OSTF1: variants seen among roughly 807,000 people sequenced by gnomAD.
The protein encoded by OSTF1 is osteoclast-stimulating factor 1.
A neutral mutation model predicts 37.2 loss-of-function variants in OSTF1; 27 were observed. The observed-to-expected ratio is 0.73, with a 90% CI of 0.54 to 1.00. OSTF1 has a LOEUF of 1.00. Ranked by LOEUF, OSTF1 falls within the 50% of genes least tolerant of loss-of-function variation. The probability of loss-of-function intolerance (pLI) is 0.00; values close to 1 mark genes in which losing one functional copy is unlikely to be tolerated. For synonymous variants in OSTF1, 82 were observed against 89.2 expected, an observed-to-expected ratio of 0.92 and a Z score of 0.46; for missense variants, 232 against 253.8, an observed-to-expected ratio of 0.91 and a Z score of 0.58.
chr9:75,140,414 G>A (rs536334524), intron 8 of OSTF1, among the ~76,000 whole-genome samples: 1 of 152,304 alleles, frequency 6.6e-6, no homozygotes, highest in African/African-American at 2.4e-5. Context: ...TTGGTTTTAC[G>A]TGTTGCTATT....
intron 9 of OSTF1, among the ~76,000 whole-genome samples, chr9:75,142,628 A>G (rs915148747): frequency 6.6e-6 from 1 of 152,260 alleles, no homozygotes; most frequent in East Asian, 1.9e-4. Flanking sequence ...TTCGTAGAAC[A>G]GGGCTGGGAG....
rs930207332 is a variant in OSTF1 at position 75,097,915 on chromosome 9, G to A, written c.34+9189G>A. The stretch of plus-strand genomic sequence containing the variant: ...CTCTGTTGCCCAGGCTGAGTGTGGT[G>A]TGATGATCTTGGGCTTACTGCAACC... On this transcript the variant is annotated intron_variant, in intron 1 of 9. Transcript: ENST00000346234. 6.7e-5 allele frequency among the ~76,000 whole-genome samples: 10 copies of A among 149,508 alleles called. No individual in the cohort carries two copies. The South Asian group carries it at 2.1e-3, about 32-fold the overall frequency.
At chr9:75,111,598 C>T (rs943847807) in intron 1 of OSTF1, among the ~76,000 whole-genome samples, 3 of 152,096 alleles carry the variant, frequency 2.0e-5, no homozygotes, top group African/African-American at 7.2e-5. Context: ...AACCTTAACT[C>T]AGTTGAATTC....
intron 2 of OSTF1, among the ~76,000 whole-genome samples, chr9:75,121,979 G>A (rs867229522): frequency 6.6e-6 from 1 of 152,182 alleles, no homozygotes; most frequent in South Asian, 2.1e-4. Context: ...CAGGAAGAAC[G>A]CTAGGTAGCT....
At chr9:75,128,383 TATA>T (rs1447204688) in intron 3 of OSTF1, among the ~76,000 whole-genome samples, 1 of 91,618 alleles carries the variant, frequency 1.1e-5, no homozygotes, top group African/African-American at 4.7e-5. Flanking sequence ...TATATATATA[TATA>T]TATATATATA....
At chr9:75,136,717 T>G (rs192495071) in intron 7 of OSTF1, among the ~76,000 whole-genome samples, 5 of 152,232 alleles carry the variant, frequency 3.3e-5, no homozygotes, top group African/African-American at 7.2e-5. Context: ...TTAGGTGTGA[T>G]TGGAAGCTGT....
At chr9:75,146,294 C>T (rs1214170637) in intron 9 of OSTF1, among the ~76,000 whole-genome samples, 5 of 152,334 alleles carry the variant, frequency 3.3e-5, no homozygotes, top group East Asian at 1.9e-4. Context: ...CGGTAGTTAA[C>T]GTCCTACCTA....
rs771317162 is a variant in OSTF1, at chr9:75,140,897, C to A, written c.551C>A (p.Ala184Asp). 3 of 1,613,372 alleles carry A rather than the reference C, an allele frequency of 1.9e-6. No homozygotes were observed. The highest frequency in any genetic ancestry group is 2.5e-6 in the Non-Finnish European group (3 of 1,179,424). ...GCCTTCGACATGGCTACCAATGCTG[C>A]CTGTGCATCTCTCCTGAAAAAGAAA... is the stretch of plus-strand genomic sequence containing the variant. Reference protein sequence around the residue: ...KLAFDMATNAACASLLKKKQG... With the variant: ...KLAFDMATNADCASLLKKKQG... Residue 184 changes from alanine (A) to aspartate (D), a missense_variant, in exon 9 of 10, where the codon GCC becomes GAC. Coordinates refer to ENST00000346234, the MANE Select transcript of OSTF1 (RefSeq NM_012383.5).
At chr9:75,139,374 TA>T in intron 8 of OSTF1, among the ~76,000 whole-genome samples, 1 of 152,012 alleles carries the variant, frequency 6.6e-6, no homozygotes, top group African/African-American at 2.4e-5. Context: ...GCAAAAAAAA[TA>T]TGATACTTTC....
At chr9:75,127,191 G>T (rs1325043681) in intron 2 of OSTF1, among the ~76,000 whole-genome samples, 4 of 152,196 alleles carry the variant, frequency 2.6e-5, no homozygotes, top group African/African-American at 9.6e-5. Context: ...CAAGCTTCTG[G>T]CTGTTTTTCA....
At chr9:75,127,997 T>C (rs1203485810) in intron 3 of OSTF1, among the ~76,000 whole-genome samples, 1 of 152,062 alleles carries the variant, frequency 6.6e-6, no homozygotes, top group Non-Finnish European at 1.5e-5. Flanking sequence ...GACACTTGTT[T>C]TTCTCAATTT....
At chr9:75,096,451 A>G (rs1825088394) in intron 1 of OSTF1, among the ~76,000 whole-genome samples, 1 of 152,170 alleles carries the variant, frequency 6.6e-6, no homozygotes, top group African/African-American at 2.4e-5. Flanking sequence ...GGTGCTCCCA[A>G]TTTCCAGGGA....
At chr9:75,110,863 A>G (rs112450224) in intron 1 of OSTF1, among the ~76,000 whole-genome samples, 7,363 of 152,026 alleles carry the variant, frequency 0.048, 224 homozygotes, top group Middle Eastern at 0.078. Flanking sequence ...GGTGTGTACC[A>G]ACCGCAACCA....
At chr9:75,103,356 A>T (rs1825228552) in intron 1 of OSTF1, among the ~76,000 whole-genome samples, 1 of 152,204 alleles carries the variant, frequency 6.6e-6, no homozygotes, top group South Asian at 2.1e-4. Context: ...TTAAAAGAGA[A>T]CACATTTTCC....
intron 1 of OSTF1, among the ~76,000 whole-genome samples, chr9:75,106,987 GAAAA>G (rs112031324): frequency 2.7e-5 from 3 of 112,274 alleles, no homozygotes; most frequent in African/African-American, 7.1e-5. Context: ...GAAAAAAAAA[GAAAA>G]AAAAAAAAAA....
At position 75,140,765 on chromosome 9, in the gene OSTF1, G is replaced by T. The variant is rs1286356277; in HGVS notation, c.488-69G>T. The T allele has an allele frequency of 9.6e-6, 10 of 1,040,206 alleles. No homozygotes were observed. The Admixed American group carries it at 1.7e-4, about 17-fold the overall frequency. The allele number at this position is 1,040,206 out of a possible 1,614,324, so 64.4% of individuals were successfully genotyped here. ...ATTTTGCCAAAAGTTGTTAGCTGTG[G>T]GGAGAGAGGATTGGCTACTACTATA... is the stretch of plus-strand genomic sequence containing the variant. On this transcript the variant is annotated intron_variant, in intron 8 of 9. Transcript: ENST00000346234.
At chr9:75,106,730 C>T (rs1473111476) in intron 1 of OSTF1, among the ~76,000 whole-genome samples, 3 of 147,898 alleles carry the variant, frequency 2.0e-5, no homozygotes, top group South Asian at 2.1e-4. Flanking sequence ...CCGGGGCGGG[C>T]GGATCACAAG....
In OSTF1 at chr9:75,117,443, T is replaced by C; in HGVS notation, c.35-61T>C. ...GAATTCTGAAGGATATAATGGATAATGCTATTAAGAGCAAATTCAGGAATG... is the reference window on the plus strand; with the variant it reads ...GAATTCTGAAGGATATAATGGATAACGCTATTAAGAGCAAATTCAGGAATG... On this transcript the variant is annotated intron_variant, in intron 1 of 9. Coordinates refer to ENST00000346234, the MANE Select transcript of OSTF1 (RefSeq NM_012383.5). 3 of 1,146,186 alleles carry C rather than the reference T, an allele frequency of 2.6e-6. No individual in the cohort carries two copies. In the Admixed American group the frequency reaches 5.4e-5, roughly 21 times the overall value. 71.0% of individuals were successfully genotyped at this position (1,146,186 alleles called of 1,614,324 possible). A position where few individuals can be genotyped will look rare whatever the true frequency, so the allele number is the denominator to read the frequency against.
At position 75,124,391 on chromosome 9, in the gene OSTF1, C is replaced by G. The variant is rs147675743; in HGVS notation, c.82-3178C>G. ...TATTTCTTTCTAAATTTTTTTTGTA[C>G]CCATTAACCATCCCCGTCTCCCCCC... On this transcript the variant is annotated intron_variant, in intron 2 of 9. Coordinates refer to ENST00000346234, the MANE Select transcript of OSTF1 (RefSeq NM_012383.5). Among the ~76,000 whole-genome samples, 273 of 152,064 alleles carry G rather than the reference C, an allele frequency of 1.8e-3. 1 individual carries two copies. The highest frequency in any genetic ancestry group is 4.1e-3 in the South Asian group (20 of 4,822).
Sources: allele counts gnomAD v4.1 joint callset (sites outside exome capture counted in the v4.1 genomes callset), GRCh38; gene constraint gnomAD v4.1.1; transcripts MANE v1.5; gene names NCBI Gene and HGNC (gene_info 2026-07-23, HGNC 2026-07-21).